Variants in METTL23 observed in about 807,000 individuals in gnomAD.
METTL23 encodes the protein methyltransferase 23, arginine.
A neutral mutation model predicts 21.2 loss-of-function variants in METTL23; 24 were observed. The observed-to-expected ratio is 1.13, with a 90% CI of 0.82 to 1.59. METTL23 has a LOEUF of 1.59. Among genes scored for constraint, METTL23 ranks in the 40% most tolerant of loss-of-function variants. The pLI is 0.00. For synonymous variants in METTL23, 97 were observed against 75.2 expected (o/e 1.29, Z -1.50); for missense variants, 276 against 221.4 (o/e 1.25, Z -1.57).
Position 76,733,396 on chromosome 17 carries a change from TA to T in METTL23, c.407+20del, listed in dbSNP as rs2077322459. The T allele has an allele frequency of 6.2e-7, 1 of 1,611,042 alleles. No homozygotes were observed. Reference sequence around the variant, plus strand: ...TTAGGAGGCAAGTATGGATGACCCTTACTTTTTATATGTAACTTAAGCCTTA... The same window carrying T: ...TTAGGAGGCAAGTATGGATGACCCTTCTTTTTATATGTAACTTAAGCCTTA... On this transcript the variant is annotated intron_variant, in intron 4 of 4. Transcript: ENST00000341249.
upstream of METTL23, chr17:76,726,303 AG>A (rs1278179481): frequency 2.0e-6 from 3 of 1,526,372 alleles, no homozygotes; most frequent in African/African-American, 4.3e-5. Flanking sequence ...TAGCGGCTGG[AG>A]GTGCCGATGC....
chr17:76,731,591 A>G (rs2077210548), intron 2 of METTL23, among the ~76,000 whole-genome samples: 1 of 152,196 alleles, frequency 6.6e-6, no homozygotes, highest in African/African-American at 2.4e-5. Context: ...AAATGTTGAG[A>G]TTAGTGTAAA....
chr17:76,733,246 G>A, intron 3 of METTL23, 31 bp downstream of exon 3: 2 of 1,612,562 alleles, frequency 1.2e-6, no homozygotes, highest in East Asian at 2.2e-5. Flanking sequence ...AGTACATTTG[G>A]CCAGTGATGC....
chr17:76,731,345 C>T (rs1598406910), intron 2 of METTL23, among the ~76,000 whole-genome samples: 1 of 152,200 alleles, frequency 6.6e-6, no homozygotes, highest in Non-Finnish European at 1.5e-5. Context: ...CTTACAGGTT[C>T]AGTGTCTGGT....
upstream of METTL23, chr17:76,726,831 T>G (rs1000383467): frequency 1.2e-5 from 5 of 410,124 alleles, no homozygotes; most frequent in South Asian, 8.8e-5. Context: ...GCTGCCGCTG[T>G]GCCCATCACT....
rs1375670126 is a variant in METTL23, at chr17:76,733,586, A to T, written c.473A>T (p.Glu158Val). 1 of 1,613,768 alleles carries T rather than the reference A, an allele frequency of 6.2e-7. No individual in the cohort carries two copies. The highest frequency in any genetic ancestry group is 2.2e-5 in the East Asian group (1 of 44,880). ...WDMKCVHIPL[E>V]SFDADKEDIA... Reference sequence around the variant, plus strand: ...ATGAAATGTGTCCACATTCCTCTTGAGTCTTTTGATGCAGACAAAGAAGAT... The same window carrying T: ...ATGAAATGTGTCCACATTCCTCTTGTGTCTTTTGATGCAGACAAAGAAGAT... The change falls in exon 5 of 5, where the codon GAG becomes GTG. Residue 158 changes from glutamate to valine, a missense_variant. Physicochemically the swap from Glu to Val is moderately radical, Grantham distance 121 (BLOSUM62 -2). Coordinates refer to ENST00000341249, the MANE Select transcript of METTL23 (RefSeq NM_001080510.5).
At position 76,733,675 on chromosome 17, in the gene METTL23, GAC is replaced by G; in HGVS notation, c.564_565del (p.Asp188GlufsTer48). The stretch of plus-strand genomic sequence containing the variant: ...AATGCTGGTCATTTCCTTTGCAAAG[GAC>G]AGTCTCTGAATTATACCTACAACCT... ...VEMLVISFAK[D>X]SL is the part of the protein sequence containing the mutation. On this transcript the variant is annotated frameshift_variant, in exon 5 of 5. Coordinates refer to ENST00000341249, the MANE Select transcript of METTL23 (RefSeq NM_001080510.5). LOFTEE classifies it high-confidence loss of function. The G allele has an allele frequency of 6.2e-7, 1 of 1,612,902 alleles. No individual in the cohort carries two copies. The highest frequency in any genetic ancestry group is 8.5e-7 in the Non-Finnish European group (1 of 1,179,476).
chr17:76,729,347 C>G (rs1161982997), intron 1 of METTL23, among the ~76,000 whole-genome samples: 1 of 152,196 alleles, frequency 6.6e-6, no homozygotes, highest in African/African-American at 2.4e-5. Context: ...TCCCAAAGTG[C>G]TGGGATGACA....
At position 76,730,184 on chromosome 17, in the gene METTL23, C is replaced by T. The variant is rs138629826; in HGVS notation, c.84+390C>T. ...GTGCACGCCTGTAATCCCAGCTACT[C>T]GGGAGGCTGAAACAGAATTGCTTGA... On this transcript the variant is annotated intron_variant, in intron 2 of 4. Transcript: ENST00000341249. Among the ~76,000 whole-genome samples, 7 of 151,334 alleles carry T rather than the reference C, an allele frequency of 4.6e-5. No individual in the cohort carries two copies. In the East Asian group the frequency reaches 9.8e-4, roughly 21 times the overall value.
chr17:76,726,361 G>A (rs2076934463), upstream of METTL23: 2 of 1,592,184 alleles, frequency 1.3e-6, no homozygotes, highest in African/African-American at 1.4e-5. Context: ...ACGGCCGCCG[G>A]GCTCAGCGAG....
intron 1 of METTL23, among the ~76,000 whole-genome samples, chr17:76,728,792 CTT>C (rs10690835): frequency 1.3e-4 from 15 of 118,804 alleles, no homozygotes; most frequent in African/African-American, 3.6e-4. Context: ...AGCCTCTTTC[CTT>C]TTTTTTTTTT....
chr17:76,728,326 T>A (rs995662480), intron 1 of METTL23, among the ~76,000 whole-genome samples: 1 of 143,918 alleles, frequency 6.9e-6, no homozygotes, highest in Non-Finnish European at 1.5e-5. Context: ...AACCTCAACC[T>A]CTGGGCTCAA....
At position 76,733,107 on chromosome 17, in the gene METTL23, C is replaced by T. The variant is rs771260426; in HGVS notation, c.214C>T (p.Pro72Ser). 15 of 1,613,310 alleles carry T rather than the reference C, an allele frequency of 9.3e-6. No individual in the cohort carries two copies. In the South Asian group the frequency reaches 1.5e-4, roughly 17 times the overall value. Reference protein sequence around the residue: ...CRQSCQMNNLPHLQVVGLTWG... With the variant: ...CRQSCQMNNLSHLQVVGLTWG... ...GCAAAGCTGCCAAATGAATAACCTG[C>T]CACATCTGCAGGTGGTAGGACTAAC... Residue 72 changes from proline to serine, a missense_variant, in exon 3 of 5, where the codon CCA (proline) becomes TCA (serine). Coordinates refer to ENST00000341249, the MANE Select transcript of METTL23 (RefSeq NM_001080510.5).
intron 2 of METTL23, 34 bp downstream of exon 2, chr17:76,729,828 G>A (rs772292507): frequency 2.0e-6 from 3 of 1,486,982 alleles, no homozygotes; most frequent in Non-Finnish European, 2.8e-6. Context: ...AGAGTTCTAG[G>A]TTATGTTCAG....
chr17:76,729,482 G>A (rs1009402083), intron 1 of METTL23, among the ~76,000 whole-genome samples: 1 of 152,214 alleles, frequency 6.6e-6, no homozygotes, highest in Admixed American at 6.5e-5. Flanking sequence ...CCCTGATACT[G>A]TGACACTAGA....
At chr17:76,730,846 G>A (rs930290091) in intron 2 of METTL23, among the ~76,000 whole-genome samples, 1 of 152,172 alleles carries the variant, frequency 6.6e-6, no homozygotes, top group African/African-American at 2.4e-5. Context: ...GCTCATGCCT[G>A]TAATCCCAGC....
upstream of METTL23, chr17:76,726,369 G>A: frequency 1.9e-6 from 3 of 1,596,644 alleles, no homozygotes; most frequent in South Asian, 2.2e-5. Flanking sequence ...CGGGCTCAGC[G>A]AGAAGCTCTC....
At chr17:76,731,232 G>A (rs990095719) in intron 2 of METTL23, among the ~76,000 whole-genome samples, 5 of 151,154 alleles carry the variant, frequency 3.3e-5, no homozygotes, top group Admixed American at 6.6e-5. Context: ...CTGAGATTGT[G>A]CCACTGCACT....
intron 1 of METTL23, among the ~76,000 whole-genome samples, chr17:76,728,412 A>T (rs868080682): frequency 6.8e-5 from 1 of 14,770 alleles, no homozygotes; most frequent in African/African-American, 8.8e-5. Context: ...GGCTTCACGG[A>T]TTTTTTTTTT....
Sources: gnomAD v4.1 joint callset for allele counts (sites outside exome capture counted in the v4.1 genomes callset) on GRCh38, gnomAD v4.1.1 for gene constraint, MANE v1.5 for transcripts, NCBI Gene and HGNC (gene_info 2026-07-23, HGNC 2026-07-21) for gene names.